ARHGEF7: variants seen among roughly 807,000 people sequenced by gnomAD.
The protein encoded by ARHGEF7 is Rho guanine nucleotide exchange factor 7.
A neutral mutation model predicts 109.8 loss-of-function variants in ARHGEF7; 33 were observed. The ratio of observed to expected loss-of-function variants is 0.30; its 90% CI spans 0.23 to 0.40. The LOEUF (loss-of-function observed/expected upper bound fraction) is 0.40. Among genes scored for constraint, ARHGEF7 ranks in the 10% least tolerant of loss-of-function variants. The probability of loss-of-function intolerance (pLI) is 1.00; values close to 1 mark genes in which losing one functional copy is unlikely to be tolerated. For missense variants in ARHGEF7, 938 were observed against 1,098.5 expected (o/e 0.85, Z 2.07); for synonymous variants, 458 against 424.6 (o/e 1.08, Z -0.97).
intron 2 of ARHGEF7, among the ~76,000 whole-genome samples, chr13:111,172,906 G>A (rs1321087167): frequency 6.6e-6 from 1 of 152,198 alleles, no homozygotes; most frequent in African/African-American, 2.4e-5. Context: ...GTAGCTATGT[G>A]TGTAGACAGG....
At chr13:111,203,331 C>T (rs1308529272) in intron 2 of ARHGEF7, among the ~76,000 whole-genome samples, 1 of 152,164 alleles carries the variant, frequency 6.6e-6, no homozygotes, top group African/African-American at 2.4e-5. Context: ...TGCAGCTTAA[C>T]CCGTATTTGT....
Position 111,235,088 on chromosome 13 carries a change from C to T in ARHGEF7, c.759+1795C>T, listed in dbSNP as rs527862855. Reference sequence around the variant, plus strand: ...TCTTGCATTCTTGTATAAGACACTGCTTTTTTGGGGAAGGCTTCATGTGGT... The same window carrying T: ...TCTTGCATTCTTGTATAAGACACTGTTTTTTTGGGGAAGGCTTCATGTGGT... On this transcript the variant is annotated intron_variant, in intron 6 of 21. Coordinates refer to ENST00000646102, the MANE Select transcript of ARHGEF7 (RefSeq NM_001354046.2). 7.7e-4 allele frequency among the ~76,000 whole-genome samples: 118 copies of T among 152,306 alleles called. 1 individual carries two copies. The highest frequency in any genetic ancestry group is 2.7e-3 in the African/African-American group (113 of 41,566).
Position 111,305,471 on chromosome 13 carries a change from A to G in ARHGEF7, c.*2358A>G, listed in dbSNP as rs2093632906. On this transcript the variant is annotated 3_prime_UTR_variant, in exon 22 of 22. Coordinates refer to ENST00000646102, the MANE Select transcript of ARHGEF7 (RefSeq NM_001354046.2). ...GTTTTCAGCGATGTTGGAATGTAGC[A>G]TCAGAAGCTCGTTCCTTCACACTCA... is the stretch of plus-strand genomic sequence containing the variant. 1 of 152,278 alleles carries G rather than the reference A, an allele frequency of 6.6e-6. No individual in the cohort carries two copies. The allele number at this position is 152,278 out of a possible 1,614,324, so 9.4% of individuals were successfully genotyped here. A position where few individuals can be genotyped will look rare whatever the true frequency, so the allele number is the denominator to read the frequency against.
chr13:111,266,696 T>C lies in ARHGEF7; in HGVS notation c.951-852T>C. 9.8e-6 allele frequency: 4 copies of C among 407,316 alleles called. No homozygotes were observed. The highest frequency in any genetic ancestry group is 3.5e-5 in the South Asian group (2 of 57,366). 25.2% of individuals were successfully genotyped at this position (407,316 alleles called of 1,614,324 possible). ...CCCTGGTGTTCATGTTTTTGGTCAC[T>C]TTTTCTCTGGCTCCCATTCCCTAGG... On this transcript the variant is annotated intron_variant, in intron 8 of 21. Coordinates refer to ENST00000646102, the MANE Select transcript of ARHGEF7 (RefSeq NM_001354046.2). The surrounding 1 kb of genome is among the most constrained non-coding windows in gnomAD (Gnocchi z 4.8).
intron 19 of ARHGEF7, among the ~76,000 whole-genome samples, chr13:111,296,723 A>G (rs2093435802): frequency 6.6e-6 from 1 of 152,242 alleles, no homozygotes; most frequent in Non-Finnish European, 1.5e-5. Flanking sequence ...AATGCATTTC[A>G]GAAATGCTGA....
intron 2 of ARHGEF7, among the ~76,000 whole-genome samples, chr13:111,175,470 G>A (rs1207338794): frequency 6.6e-6 from 1 of 152,172 alleles, no homozygotes; most frequent in African/African-American, 2.4e-5. Flanking sequence ...TGTGGGGAAG[G>A]GCACCCAGGC....
intron 19 of ARHGEF7, chr13:111,292,690 C>CA (rs974621046): frequency 1.2e-5 from 13 of 1,050,850 alleles, no homozygotes; most frequent in Middle Eastern, 4.6e-4. Flanking sequence ...TGAAATCACA[C>CA]AGGTTTGTGA....
intron 17 of ARHGEF7, 32 bp from the exon 18 acceptor site, chr13:111,288,322 T>G (rs1324630509): frequency 5.8e-6 from 9 of 1,560,728 alleles, no homozygotes; most frequent in African/African-American, 1.4e-5. Context: ...GCCTTTCAGT[T>G]CGACTGTGAA....
At chr13:111,162,011 T>C (rs1219288754) in intron 2 of ARHGEF7, among the ~76,000 whole-genome samples, 1 of 152,192 alleles carries the variant, frequency 6.6e-6, no homozygotes, top group East Asian at 1.9e-4. Context: ...CCTTAATCCT[T>C]GATTTTCTTT....
At chr13:111,209,845 C>CT (rs761106966) in intron 3 of ARHGEF7, 27 bp from the exon 4 acceptor site, 8 of 1,610,190 alleles carry the variant, frequency 5.0e-6, no homozygotes, top group Admixed American at 3.3e-5. Flanking sequence ...TCTCAGCTCT[C>CT]TTTTTCTGTG....
intron 1 of ARHGEF7, among the ~76,000 whole-genome samples, chr13:111,120,833 C>T (rs1160375782): frequency 6.6e-6 from 1 of 152,156 alleles, no homozygotes; most frequent in South Asian, 2.1e-4. Flanking sequence ...AGATGAGGAC[C>T]CTGAGGTCTG....
intron 2 of ARHGEF7, among the ~76,000 whole-genome samples, chr13:111,203,754 T>C (rs2081450065): frequency 1.3e-5 from 2 of 152,256 alleles, no homozygotes; most frequent in African/African-American, 4.8e-5. Flanking sequence ...TTTTTACTTA[T>C]TTGGAAAATT....
intron 1 of ARHGEF7, among the ~76,000 whole-genome samples, chr13:111,124,802 C>T (rs2067447058): frequency 6.6e-6 from 1 of 152,182 alleles, no homozygotes; most frequent in Non-Finnish European, 1.5e-5. Context: ...CTCTGTCACC[C>T]AAGCTGGAGT....
chr13:111,280,247 T>C (rs767243985), intron 13 of ARHGEF7, 25 bp from the exon 14 acceptor site: 1 of 1,591,578 alleles, frequency 6.3e-7, no homozygotes, highest in South Asian at 1.2e-5. Context: ...TTGTTTTTTT[T>C]TTTGTGGGGG....
At chr13:111,134,482 A>G (rs1218361921) in intron 1 of ARHGEF7, among the ~76,000 whole-genome samples, 3 of 152,196 alleles carry the variant, frequency 2.0e-5, no homozygotes, top group Non-Finnish European at 4.4e-5. Flanking sequence ...AATGATTGCC[A>G]TTCTAATTAG....
rs1273485785 is a variant in ARHGEF7 at position 111,304,363 on chromosome 13, A to G, written c.*1250A>G. ...AGCAGGTTTTCGTTCTGCTTCAGCAATAAATAAGGGTGACCACAGGGACTT... is the reference window on the plus strand; with the variant it reads ...AGCAGGTTTTCGTTCTGCTTCAGCAGTAAATAAGGGTGACCACAGGGACTT... On this transcript the variant is annotated 3_prime_UTR_variant, in exon 22 of 22. Transcript: ENST00000646102. 6.6e-6 allele frequency: 1 copy of G among 152,242 alleles called. No homozygotes were observed. Among genetic ancestry groups the G allele is most frequent in the Non-Finnish European group, 1.5e-5 (1 of 68,038 alleles). The allele number at this position is 152,242 out of a possible 1,614,324, so 9.4% of individuals were successfully genotyped here.
At chr13:111,267,513 T>C in intron 8 of ARHGEF7, 35 bp from the exon 9 acceptor site, 1 of 1,612,164 alleles carries the variant, frequency 6.2e-7, no homozygotes, top group Non-Finnish European at 8.5e-7. Flanking sequence ...TCTGTAAAAC[T>C]GATGACTATT....
At chr13:111,223,424 T>C (rs369669352) in intron 5 of ARHGEF7, among the ~76,000 whole-genome samples, 1 of 152,264 alleles carries the variant, frequency 6.6e-6, no homozygotes, top group Non-Finnish European at 1.5e-5. Flanking sequence ...TATATTTTAA[T>C]TTGATGTACA....
At chr13:111,133,763 T>A (rs538577810) in intron 1 of ARHGEF7, among the ~76,000 whole-genome samples, 659 of 7,238 alleles carry the variant, frequency 0.091, 9 homozygotes, top group Non-Finnish European at 0.12. Flanking sequence ...CTGCTTTTCT[T>A]TATATATATA....
Sources: gnomAD v4.1 joint callset for allele counts (sites outside exome capture counted in the v4.1 genomes callset) on GRCh38, gnomAD v4.1.1 for gene constraint, Gnocchi (gnomAD v3.1) non-coding constraint, MANE v1.5 for transcripts, NCBI Gene and HGNC (gene_info 2026-07-23, HGNC 2026-07-21) for gene names.